SMARCA4: variants seen among roughly 807,000 people sequenced by gnomAD.
The protein encoded by SMARCA4 is SWI/SNF-related matrix-associated actin-dependent regulator of chromatin subfamily A member 4.
SMARCA4 carries 31 observed loss-of-function variants against 193.9 expected under a neutral mutation model. The observed-to-expected ratio is 0.16, with a 90% CI of 0.12 to 0.22. The LOEUF is 0.22. Ranked by LOEUF, SMARCA4 falls within the 10% of genes least tolerant of loss-of-function variation. The pLI is 1.00. For missense variants in SMARCA4, 1,148 were observed against 2,296.0 expected (o/e 0.50, Z 10.22); for synonymous variants, 942 against 933.1 (o/e 1.01, Z -0.17).
Position 10,996,196 on chromosome 19 carries a change from C to A in SMARCA4, c.1594-17C>A, listed in dbSNP as rs750102537. The A allele has an allele frequency of 3.7e-6, 6 of 1,613,856 alleles. No individual in the cohort carries two copies. The highest frequency in any genetic ancestry group is 5.1e-6 in the Non-Finnish European group (6 of 1,179,770). On this transcript the variant is annotated splice_polypyrimidine_tract_variant and intron_variant, in intron 9 of 34. Coordinates refer to ENST00000344626, the MANE Select transcript of SMARCA4 (RefSeq NM_003072.5). ...ACATTGTGCCACCACATTGCAGTAA[C>A]CCCCATGCTTTTGTAGGCTGAAGAT...
intron 30 of SMARCA4, among the ~76,000 whole-genome samples, chr19:11,048,211 C>A (rs1240421555): frequency 6.6e-6 from 1 of 152,010 alleles, no homozygotes; most frequent in East Asian, 1.9e-4. Flanking sequence ...AAAAAAACTT[C>A]TTTTTGTTTA....
intron 1 of SMARCA4, among the ~76,000 whole-genome samples, chr19:10,962,407 A>G (rs1184370694): frequency 1.3e-5 from 2 of 152,062 alleles, no homozygotes; most frequent in African/African-American, 2.4e-5. Context: ...TGTGGGAACA[A>G]ACTCTCTTGG....
intron 1 of SMARCA4, among the ~76,000 whole-genome samples, chr19:10,963,421 G>A (rs942237951): frequency 2.6e-5 from 4 of 151,826 alleles, no homozygotes; most frequent in Non-Finnish European, 5.9e-5. Flanking sequence ...AGGACTGGGG[G>A]TGGATTGTAA....
Position 11,033,075 on chromosome 19 carries a change from C to G in SMARCA4, c.3547-215C>G. Reference sequence around the variant, plus strand: ...CCCAATAAGGTAGAAGGTGGCACTTCTGGAGGAACGTGATGAGAGTCCCCT... The same window carrying G: ...CCCAATAAGGTAGAAGGTGGCACTTGTGGAGGAACGTGATGAGAGTCCCCT... On this transcript the variant is annotated intron_variant, in intron 25 of 34. Transcript: ENST00000344626. The surrounding 1 kb of genome is among the most constrained non-coding windows in gnomAD (Gnocchi z 9.8). 1.6e-6 allele frequency: 1 copy of G among 636,922 alleles called. No homozygotes were observed. Among genetic ancestry groups the G allele is most frequent in the Non-Finnish European group, 2.9e-6 (1 of 349,886 alleles). 39.5% of individuals were successfully genotyped at this position (636,922 alleles called of 1,614,324 possible).
intron 25 of SMARCA4, chr19:11,032,719 G>A: frequency 6.0e-6 from 1 of 166,696 alleles, no homozygotes; most frequent in Non-Finnish European, 1.3e-5. Context: ...ATTGTTGGGA[G>A]CTAACTGCAC....
chr19:11,000,677 G>A (rs4804560), intron 11 of SMARCA4, among the ~76,000 whole-genome samples: 6 of 152,034 alleles, frequency 3.9e-5, no homozygotes, highest in East Asian at 1.9e-4. Context: ...TCAGGAGTTC[G>A]AGACCAGTCT....
intron 30 of SMARCA4, among the ~76,000 whole-genome samples, chr19:11,048,869 ACT>A (rs1278917798): frequency 1.3e-5 from 2 of 152,018 alleles, no homozygotes; most frequent in Non-Finnish European, 2.9e-5. Flanking sequence ...GGAATCTTAT[ACT>A]CTGTTCTTCT....
In SMARCA4 at chr19:11,061,796, A is replaced by G. The variant is rs2147158155; in HGVS notation, c.4924A>G (p.Ser1642Gly). 1 of 1,613,982 alleles carries G rather than the reference A, an allele frequency of 6.2e-7. No individual in the cohort carries two copies. Among genetic ancestry groups the G allele is most frequent in the Non-Finnish European group, 8.5e-7 (1 of 1,180,008 alleles). ...EEEQEEDRSG[S>G]GSEED Reference sequence around the variant, plus strand: ...GTCCCCTCTCCAGGACCGCTCAGGAAGTGGCAGCGAAGAAGACTGAGCCCC... The same window carrying G: ...GTCCCCTCTCCAGGACCGCTCAGGAGGTGGCAGCGAAGAAGACTGAGCCCC... Residue 1642 changes from serine to glycine, a missense_variant, in exon 35 of 35, where the codon AGT becomes GGT. Ser to Gly is a moderately conservative substitution (Grantham distance 56). This residue lies in a region of SMARCA4 where 105 missense variants were observed against 133.7 expected (regional missense o/e 0.79). Coordinates refer to ENST00000344626, the MANE Select transcript of SMARCA4 (RefSeq NM_003072.5).
chr19:11,010,238 C>T lies in SMARCA4; in HGVS notation c.2124-143C>T, dbSNP rs138410598. The T allele has an allele frequency of 5.6e-4, 530 of 952,092 alleles. 1 individual carries two copies. Among genetic ancestry groups the T allele is most frequent in the Non-Finnish European group, 7.4e-4 (441 of 597,136 alleles). The allele number at this position is 952,092 out of a possible 1,614,324, so 59.0% of individuals were successfully genotyped here. A position where few individuals can be genotyped will look rare whatever the true frequency, so the allele number is the denominator to read the frequency against. ...CTGCCCTGCCTGGCCTCACACTGTCCGGCTGCACCTCTATGTGTCTTACAG... is the reference window on the plus strand; with the variant it reads ...CTGCCCTGCCTGGCCTCACACTGTCTGGCTGCACCTCTATGTGTCTTACAG... On this transcript the variant is annotated intron_variant, in intron 14 of 34. Transcript: ENST00000344626.
intron 8 of SMARCA4, among the ~76,000 whole-genome samples, chr19:10,993,638 C>T (rs2145916614): frequency 6.6e-6 from 1 of 152,214 alleles, no homozygotes; most frequent in African/African-American, 2.4e-5. Flanking sequence ...CCCACAGTTG[C>T]CGGTGCTTAG....
chr19:11,044,604 C>T (rs1033421720), intron 30 of SMARCA4, among the ~76,000 whole-genome samples: 1 of 152,200 alleles, frequency 6.6e-6, no homozygotes, highest in African/African-American at 2.4e-5. Flanking sequence ...CACCAGCACC[C>T]GCCCCAGAAC....
intron 34 of SMARCA4, among the ~76,000 whole-genome samples, chr19:11,061,207 ATATATAT>A (rs2076870377): frequency 1.8e-4 from 7 of 37,896 alleles, no homozygotes; most frequent in South Asian, 8.3e-4. Flanking sequence ...AAAAAAAAAT[ATATATAT>A]ATATATATAT....
intron 6 of SMARCA4, among the ~76,000 whole-genome samples, chr19:10,988,177 A>G (rs531631783): frequency 2.3e-4 from 35 of 151,438 alleles, no homozygotes; most frequent in South Asian, 1.0e-3. Flanking sequence ...CTGGAGTGCA[A>G]TGGCACAATC....
chr19:10,997,711 C>T (rs2087212367), intron 11 of SMARCA4, among the ~76,000 whole-genome samples: 1 of 152,042 alleles, frequency 6.6e-6, no homozygotes, highest in African/African-American at 2.4e-5. Flanking sequence ...CAGGCATCCT[C>T]CTGCCTCAGC....
At chr19:11,057,117 G>T (rs1302985423) in intron 30 of SMARCA4, among the ~76,000 whole-genome samples, 1 of 152,224 alleles carries the variant, frequency 6.6e-6, no homozygotes, top group Non-Finnish European at 1.5e-5. Context: ...GGCTTCGTCC[G>T]CCTGGTGGCT....
chr19:11,049,483 G>GT (rs1252732386), intron 30 of SMARCA4, among the ~76,000 whole-genome samples: 50 of 140,074 alleles, frequency 3.6e-4, no homozygotes, highest in East Asian at 3.1e-3. Flanking sequence ...CCTGGGTTCT[G>GT]TGTTTTTTTT....
intron 16 of SMARCA4, among the ~76,000 whole-genome samples, chr19:11,018,705 ACTT>A (rs1388053650): frequency 6.6e-6 from 1 of 151,984 alleles, no homozygotes; most frequent in East Asian, 1.9e-4. Flanking sequence ...CTGTGTCCCT[ACTT>A]CTCACTCTAA....
intron 13 of SMARCA4, among the ~76,000 whole-genome samples, chr19:11,005,003 T>G (rs2088055371): frequency 6.6e-6 from 1 of 152,038 alleles, no homozygotes; most frequent in Admixed American, 6.6e-5. Context: ...GGCTAATTTT[T>G]TTTTGTATTT....
In SMARCA4 at chr19:11,034,862, G is replaced by A; in HGVS notation, c.3952-52G>A. 1 of 1,196,388 alleles carries A rather than the reference G, an allele frequency of 8.4e-7. No homozygotes were observed. The highest frequency in any genetic ancestry group is 1.2e-6 in the Non-Finnish European group (1 of 831,730). 74.1% of individuals were successfully genotyped at this position (1,196,388 alleles called of 1,614,324 possible). A position where few individuals can be genotyped will look rare whatever the true frequency, so the allele number is the denominator to read the frequency against. ...ACTCTCGGTGTTCTGGCTCTAGCGT[G>A]CCCCTGGTGCCTGCATGCTGATGCC... On this transcript the variant is annotated intron_variant, in intron 28 of 34. Transcript: ENST00000344626. This position sits in a 1 kb window ranked among gnomAD's most constrained non-coding sequence, Gnocchi z 7.0.
Sources: allele counts gnomAD v4.1 joint callset (sites outside exome capture counted in the v4.1 genomes callset), GRCh38; gene constraint gnomAD v4.1.1; regional missense constraint gnomAD v4.1.1; non-coding constraint Gnocchi (gnomAD v3.1); transcripts MANE v1.5; gene names NCBI Gene and HGNC (gene_info 2026-07-23, HGNC 2026-07-21).